NBAS: variants seen among roughly 807,000 people sequenced by gnomAD.
NBAS encodes NBAS subunit of NRZ tethering complex.
In NBAS, 219 loss-of-function variants were observed where a neutral mutation model predicts 302.5. That is an observed-to-expected ratio of 0.72 (90% confidence interval 0.65 to 0.81). NBAS has a LOEUF of 0.81. NBAS is among the 30% of genes least tolerant of loss of function. The pLI is 0.00. For synonymous variants in NBAS, 1,118 were observed against 1,021.6 expected, an observed-to-expected ratio of 1.09 and a Z score of -1.80; for missense variants, 2,932 against 2,841.6, an observed-to-expected ratio of 1.03 and a Z score of -0.72.
chr2:14,892,151 A>T, the NBAS span, among the ~76,000 whole-genome samples: 2 of 152,366 alleles, frequency 1.3e-5, no homozygotes, highest in African/African-American at 4.8e-5. Context: ...TGAATGCAGA[A>T]TTGGTAGTCA....
chr2:15,345,953 A>G (rs1263296460), intron 35 of NBAS, among the ~76,000 whole-genome samples: 2 of 152,204 alleles, frequency 1.3e-5, no homozygotes, highest in African/African-American at 2.4e-5. Flanking sequence ...GGCTAGCCAT[A>G]TGAGGAAAAC....
chr2:14,795,616 G>A, the NBAS span, among the ~76,000 whole-genome samples: 1 of 152,120 alleles, frequency 6.6e-6, no homozygotes, highest in Non-Finnish European at 1.5e-5. Context: ...AAATCTTGGT[G>A]TTATATCAAA....
chr2:15,474,030 G>T, intron 15 of NBAS, 37 bp downstream of exon 15: 1 of 1,613,242 alleles, frequency 6.2e-7, no homozygotes, highest in South Asian at 1.1e-5. Context: ...AAAGCTTGAT[G>T]ACTTCAAACT....
At chr2:14,841,174 G>GA in the NBAS span, among the ~76,000 whole-genome samples, 1 of 151,654 alleles carries the variant, frequency 6.6e-6, no homozygotes, top group African/African-American at 2.4e-5. Flanking sequence ...AACCACAATG[G>GA]AAAAACGTAT....
At chr2:14,837,606 AT>A in the NBAS span, among the ~76,000 whole-genome samples, 1 of 151,726 alleles carries the variant, frequency 6.6e-6, no homozygotes, top group African/African-American at 2.4e-5. Context: ...TAATAAAACT[AT>A]TTAGATTTTA....
chr2:15,111,870 A>G, the NBAS span, among the ~76,000 whole-genome samples: 1 of 147,970 alleles, frequency 6.8e-6, no homozygotes, highest in Admixed American at 6.8e-5. Flanking sequence ...CTCCCTTATT[A>G]TTATATTTAA....
At chr2:14,855,357 G>A in the NBAS span, among the ~76,000 whole-genome samples, 1 of 152,006 alleles carries the variant, frequency 6.6e-6, no homozygotes, top group African/African-American at 2.4e-5. Flanking sequence ...TGTCTACAGG[G>A]CAAAACTTCT....
chr2:15,337,372 G>A (rs1026012506), intron 35 of NBAS, among the ~76,000 whole-genome samples: 10 of 151,726 alleles, frequency 6.6e-5, no homozygotes, highest in African/African-American at 2.4e-4. Flanking sequence ...CTCGGGAGAT[G>A]AGTGCACCAA....
chr2:15,531,246 C>T (rs1663199659), intron 9 of NBAS, among the ~76,000 whole-genome samples: 1 of 152,210 alleles, frequency 6.6e-6, no homozygotes, highest in Non-Finnish European at 1.5e-5. Flanking sequence ...GAACAGGTCA[C>T]GCAACCAAAG....
chr2:14,893,809 C>G, the NBAS span, among the ~76,000 whole-genome samples: 1 of 152,214 alleles, frequency 6.6e-6, no homozygotes, highest in Non-Finnish European at 1.5e-5. Context: ...CCAGTGCACA[C>G]TGTATTCCTC....
chr2:15,212,912 T>C (rs1558442211), intron 48 of NBAS, among the ~76,000 whole-genome samples: 1 of 152,194 alleles, frequency 6.6e-6, no homozygotes, highest in Non-Finnish European at 1.5e-5. Context: ...GGCAGCTCTT[T>C]ATAGCAGCGT....
the NBAS span, among the ~76,000 whole-genome samples, chr2:14,869,495 CTTTT>C: frequency 2.0e-5 from 3 of 152,100 alleles, no homozygotes; most frequent in South Asian, 6.2e-4. Context: ...TCTACTCCTT[CTTTT>C]ATGTTTTAAT....
intron 44 of NBAS, among the ~76,000 whole-genome samples, chr2:15,262,119 C>A (rs371164208): frequency 1.3e-5 from 2 of 152,148 alleles, no homozygotes; most frequent in African/African-American, 4.8e-5. Context: ...CTCTAACCAG[C>A]ATAAAGCTTA....
the NBAS span, among the ~76,000 whole-genome samples, chr2:15,013,990 AC>A: frequency 6.6e-6 from 1 of 152,086 alleles, no homozygotes; most frequent in African/African-American, 2.4e-5. Flanking sequence ...CCAAAAGCAA[AC>A]AAAAGTAGCT....
the NBAS span, among the ~76,000 whole-genome samples, chr2:14,930,849 TATCATAAAACAGAGAA>T: frequency 6.6e-6 from 1 of 152,210 alleles, no homozygotes; most frequent in African/African-American, 2.4e-5. Context: ...TTAAAATTGT[TATCATAAAACAGAGAA>T]ATCAGCACAA....
chr2:14,827,641 T>C, the NBAS span, among the ~76,000 whole-genome samples: 2 of 152,202 alleles, frequency 1.3e-5, no homozygotes, highest in African/African-American at 2.4e-5. Context: ...AATCCTGTCA[T>C]ATGAGACAAC....
rs544114016 is a variant in NBAS, at chr2:15,254,758, T to C, written c.5725-16072A>G. Among the ~76,000 whole-genome samples the C allele has an allele frequency of 5.9e-5, 9 of 152,348 alleles. No individual in the cohort carries two copies. In the South Asian group the frequency reaches 8.3e-4, roughly 14 times the overall value. ...TCATTCTTATGTCTCCGAGTCCCCA[T>C]AGCTTAGCTCCCACTTATAAGTGAG... On this transcript the variant is annotated intron_variant, in intron 44 of 51. Coordinates refer to ENST00000281513, the MANE Select transcript of NBAS (RefSeq NM_015909.4).
chr2:15,473,066 T>G (rs957249581), intron 16 of NBAS, among the ~76,000 whole-genome samples, 156 bp downstream of exon 16: 3 of 152,176 alleles, frequency 2.0e-5, no homozygotes. Context: ...CAATAAAATC[T>G]AACAAAAAGA....
intron 33 of NBAS, among the ~76,000 whole-genome samples, chr2:15,354,181 A>C (rs1673504861): frequency 6.6e-6 from 1 of 152,184 alleles, no homozygotes; most frequent in Admixed American, 6.6e-5. Context: ...TTGTATTTAA[A>C]AGCACATGTA....
Sources: gnomAD v4.1 joint callset for allele counts (sites outside exome capture counted in the v4.1 genomes callset) on GRCh38, gnomAD v4.1.1 for gene constraint, MANE v1.5 for transcripts, NCBI Gene and HGNC (gene_info 2026-07-23, HGNC 2026-07-21) for gene names.